ADAMTSL1: variants seen among roughly 807,000 people sequenced by gnomAD.
ADAMTSL1 encodes the protein ADAMTS-like protein 1.
In ADAMTSL1, 126 loss-of-function variants were observed where a neutral mutation model predicts 201.8. That is an observed-to-expected ratio of 0.62 (90% CI 0.54 to 0.72). The LOEUF is 0.72. ADAMTSL1 is among the 30% of genes least tolerant of loss of function. The probability of loss-of-function intolerance (pLI) is 0.00; values close to 1 mark genes in which losing one functional copy is unlikely to be tolerated. For missense variants in ADAMTSL1, 2,679 were observed against 2,277.8 expected (o/e 1.18, Z -3.59); for synonymous variants, 1,121 against 903.4 (o/e 1.24, Z -4.32).
intron 2 of ADAMTSL1, among the ~76,000 whole-genome samples, chr9:18,332,730 C>G (rs972873976): frequency 1.3e-5 from 2 of 152,118 alleles, no homozygotes; most frequent in African/African-American, 2.4e-5. Context: ...TAAATTAGAG[C>G]CTATATAGTT....
chr9:18,071,747 C>T (rs1365723567), intron 1 of ADAMTSL1, among the ~76,000 whole-genome samples: 3 of 152,182 alleles, frequency 2.0e-5, no homozygotes, highest in Non-Finnish European at 2.9e-5. Context: ...TGCTGAAGCA[C>T]GTGCCCATAC....
At chr9:18,378,750 G>A (rs1837419070) in intron 2 of ADAMTSL1, among the ~76,000 whole-genome samples, 1 of 151,788 alleles carries the variant, frequency 6.6e-6, no homozygotes. Context: ...TCATTCCTTG[G>A]CTGCTTCTTC....
At chr9:18,695,049 C>A (rs1831466632) in intron 13 of ADAMTSL1, among the ~76,000 whole-genome samples, 1 of 152,176 alleles carries the variant, frequency 6.6e-6, no homozygotes, top group East Asian at 1.9e-4. Flanking sequence ...TATCTGGAGC[C>A]CTTTTAGCCA....
intron 4 of ADAMTSL1, among the ~76,000 whole-genome samples, chr9:18,618,726 G>T (rs903107921): frequency 1.3e-5 from 2 of 152,160 alleles, no homozygotes; most frequent in Non-Finnish European, 2.9e-5. Context: ...CAGCAGGAAG[G>T]TAGGAAGGCA....
chr9:18,557,474 C>A (rs1345692823), intron 3 of ADAMTSL1, among the ~76,000 whole-genome samples: 2 of 152,006 alleles, frequency 1.3e-5, no homozygotes, highest in East Asian at 1.9e-4. Flanking sequence ...AAGTTGTATG[C>A]TACAAAAATG....
At chr9:18,225,668 A>T (rs1319638754) in intron 2 of ADAMTSL1, among the ~76,000 whole-genome samples, 2 of 152,150 alleles carry the variant, frequency 1.3e-5, no homozygotes, top group Non-Finnish European at 2.9e-5. Context: ...CTGTAATTTT[A>T]GCTTAATAGA....
chr9:18,712,644 G>T (rs36175671), intron 14 of ADAMTSL1, among the ~76,000 whole-genome samples: 75,511 of 146,350 alleles, frequency 0.52, 19,684 homozygotes, highest in South Asian at 0.64. Flanking sequence ...GAAAGTGACG[G>T]GGAGAATGGA....
intron 2 of ADAMTSL1, among the ~76,000 whole-genome samples, chr9:18,524,581 C>T (rs1201520067): frequency 1.3e-5 from 2 of 152,148 alleles, no homozygotes; most frequent in Non-Finnish European, 2.9e-5. Flanking sequence ...GTGGGTTTGT[C>T]ATAAATAACT....
At chr9:17,943,485 G>T (rs1827326952) in intron 1 of ADAMTSL1, among the ~76,000 whole-genome samples, 1 of 152,116 alleles carries the variant, frequency 6.6e-6, no homozygotes, top group Non-Finnish European at 1.5e-5. Flanking sequence ...CCCGAACCTT[G>T]TGGGTGGGGG....
intron 2 of ADAMTSL1, among the ~76,000 whole-genome samples, chr9:18,414,290 G>C (rs2133328942): frequency 6.6e-6 from 1 of 152,216 alleles, no homozygotes; most frequent in East Asian, 1.9e-4. Flanking sequence ...CCTACTAATT[G>C]ATTCTAAAGA....
chr9:18,378,266 A>T (rs1468310502), intron 2 of ADAMTSL1, among the ~76,000 whole-genome samples: 7 of 152,208 alleles, frequency 4.6e-5, no homozygotes, highest in African/African-American at 1.7e-4. Context: ...GAAATAGTGT[A>T]TGTGAAGCTC....
intron 1 of ADAMTSL1, among the ~76,000 whole-genome samples, chr9:18,488,748 A>G (rs940320521): frequency 2.0e-5 from 3 of 152,122 alleles, no homozygotes; most frequent in African/African-American, 7.2e-5. Context: ...AAATTTCCCT[A>G]CCTCATTCCA....
At chr9:18,159,696 C>T (rs1162217113) in intron 1 of ADAMTSL1, among the ~76,000 whole-genome samples, 1 of 151,962 alleles carries the variant, frequency 6.6e-6, no homozygotes, top group Non-Finnish European at 1.5e-5. Context: ...TTATCTTTTA[C>T]ACCAAACAAG....
chr9:18,076,664 C>T (rs1293855370), intron 1 of ADAMTSL1, among the ~76,000 whole-genome samples: 2 of 152,148 alleles, frequency 1.3e-5, no homozygotes, highest in Non-Finnish European at 2.9e-5. Context: ...GTACAAGCAG[C>T]TAATGTTGGC....
At chr9:18,568,671 G>A (rs1199659417) in intron 3 of ADAMTSL1, among the ~76,000 whole-genome samples, 5 of 152,122 alleles carry the variant, frequency 3.3e-5, no homozygotes, top group African/African-American at 1.2e-4. Flanking sequence ...GTGTGGAGGG[G>A]CAGTATGGGG....
chr9:17,907,665 C>T (rs369227076), intron 1 of ADAMTSL1, among the ~76,000 whole-genome samples: 2 of 152,172 alleles, frequency 1.3e-5, no homozygotes, highest in African/African-American at 4.8e-5. Flanking sequence ...GAGAGGGTGT[C>T]TGATTAATTC....
intron 4 of ADAMTSL1, among the ~76,000 whole-genome samples, chr9:18,581,045 CAT>C (rs1451199631): frequency 6.6e-6 from 1 of 152,040 alleles, no homozygotes; most frequent in Non-Finnish European, 1.5e-5. Flanking sequence ...TCCCACAGTT[CAT>C]GAGGCCAGAA....
At chr9:18,659,922 A>ATT (rs754108363) in intron 8 of ADAMTSL1, among the ~76,000 whole-genome samples, 56,668 of 136,232 alleles carry the variant, frequency 0.42, 10,951 homozygotes, top group African/African-American at 0.5. Context: ...TTTTTTTTAA[A>ATT]AAAAAAAATG....
chr9:18,707,044 A>C lies in ADAMTSL1; in HGVS notation c.1872A>C (p.Gly624=). Residue 624 remains glycine, a synonymous_variant, in exon 14 of 29, where the codon GGA becomes GGC. Transcript: ENST00000380548. ...EGFTKCSESC[G]GGVQEAVVSC... ...TCACCAAGTGCTCCGAGTCCTGTGG[A>C]GGAGGTAAGAAAGGGGGCTCTGGCT... 1 of 1,611,690 alleles carries C rather than the reference A, an allele frequency of 6.2e-7. No individual in the cohort carries two copies. Among genetic ancestry groups the C allele is most frequent in the Non-Finnish European group, 8.5e-7 (1 of 1,178,340 alleles).
Sources: gnomAD v4.1 joint callset for allele counts (sites outside exome capture counted in the v4.1 genomes callset) on GRCh38, gnomAD v4.1.1 for gene constraint, MANE v1.5 for transcripts, NCBI Gene and HGNC (gene_info 2026-07-23, HGNC 2026-07-21) for gene names.